UNC13A: variants seen among roughly 807,000 people sequenced by gnomAD.
UNC13A encodes the protein protein unc-13 homolog A.
In UNC13A, 61 loss-of-function variants were observed where a neutral mutation model predicts 219.7. The observed-to-expected ratio is 0.28, with a 90% CI of 0.23 to 0.34. The LOEUF (loss-of-function observed/expected upper bound fraction) is 0.34. UNC13A is among the 10% of genes least tolerant of loss of function. The pLI is 1.00. For missense variants in UNC13A, 1,476 were observed against 2,270.3 expected (o/e 0.65, Z 7.11); for synonymous variants, 920 against 884.6 (o/e 1.04, Z -0.71).
In UNC13A at chr19:17,630,293, A is replaced by G. The variant is rs376644283; in HGVS notation, c.3526-5T>C. 4 of 1,560,664 alleles carry G rather than the reference A, an allele frequency of 2.6e-6. No individual in the cohort carries two copies. The highest frequency in any genetic ancestry group is 2.7e-5 in the African/African-American group (2 of 73,430). ...ATGCTCTGAGGTCTGCTGGAACTGC[A>G]GGGGGAAGGAGGCCAAGAGGAAGGA... On this transcript the variant is annotated splice_region_variant and splice_polypyrimidine_tract_variant and intron_variant, in intron 29 of 43. Coordinates refer to ENST00000519716, the MANE Select transcript of UNC13A (RefSeq NM_001080421.3).
intron 12 of UNC13A, among the ~76,000 whole-genome samples, chr19:17,650,705 T>C (rs527494699): frequency 3.3e-5 from 5 of 151,882 alleles, no homozygotes; most frequent in African/African-American, 9.6e-5. Context: ...CTCGAACTCC[T>C]GACCTCAGGC....
chr19:17,620,986 C>T (rs1051100061), intron 37 of UNC13A, among the ~76,000 whole-genome samples: 1 of 152,072 alleles, frequency 6.6e-6, no homozygotes, highest in African/African-American at 2.4e-5. Flanking sequence ...AGTCAGCCTG[C>T]CCCAGGATGG....
intron 31 of UNC13A, 164 bp from the exon 32 acceptor site, chr19:17,628,104 C>T (rs1568510182): frequency 1.5e-6 from 1 of 657,086 alleles, no homozygotes; most frequent in Non-Finnish European, 2.7e-6. Flanking sequence ...TGCTCAGGTT[C>T]CTGGGCGTGT....
chr19:17,630,396 G>A, intron 29 of UNC13A, 108 bp from the exon 30 acceptor site: 3 of 1,490,350 alleles, frequency 2.0e-6, no homozygotes, highest in Non-Finnish European at 1.8e-6. Flanking sequence ...ATTTCCCCGG[G>A]GTGAGATGGA....
intron 40 of UNC13A, 132 bp downstream of exon 40, chr19:17,618,289 A>G: frequency 9.9e-7 from 1 of 1,007,250 alleles, no homozygotes; most frequent in South Asian, 1.5e-5. Context: ...GCTCTGGCAC[A>G]GACAGGGGAA....
At chr19:17,642,223 CTCA>C (rs1221390676) in intron 20 of UNC13A, among the ~76,000 whole-genome samples, 1 of 152,148 alleles carries the variant, frequency 6.6e-6, no homozygotes, top group African/African-American at 2.4e-5. Context: ...TATCTATCCA[CTCA>C]TCAAGTTATC....
In UNC13A at chr19:17,606,263, GC is replaced by G; in HGVS notation, c.4902del (p.Leu1635TrpfsTer51). The G allele has an allele frequency of 6.5e-7, 1 of 1,547,372 alleles. No homozygotes were observed. The highest frequency in any genetic ancestry group is 8.7e-7 in the Non-Finnish European group (1 of 1,146,316). On this transcript the variant is annotated frameshift_variant, in exon 44 of 44. Transcript: ENST00000519716. LOFTEE classifies it low-confidence loss of function (END_TRUNC). ...AGCTCACGCAGCTGCAGCACGGCCA[GC>G]CCCACCGTGCGGTCCTCGCGCGCGA... is the stretch of plus-strand genomic sequence containing the variant. Reference protein sequence around the residue: ...YCFAREDRTVGLAVLQLRELA... With the variant: ...YCFAREDRTVXLAVLQLRELA...
intron 1 of UNC13A, among the ~76,000 whole-genome samples, chr19:17,685,495 G>C (rs187075318): frequency 6.6e-6 from 1 of 152,100 alleles, no homozygotes. Flanking sequence ...CACCGCGCTC[G>C]GCTGGACATG....
Position 17,606,053 on chromosome 19 carries a change from G to T in UNC13A, c.*1C>A, listed in dbSNP as rs779941342. Reference sequence around the variant, plus strand: ...CAGTGCCGCTCGGCCGACCGCCCGCGCTAAGGCGCAGGCGCGGCACCGCCC... The same window carrying T: ...CAGTGCCGCTCGGCCGACCGCCCGCTCTAAGGCGCAGGCGCGGCACCGCCC... On this transcript the variant is annotated 3_prime_UTR_variant, in exon 44 of 44. Coordinates refer to ENST00000519716, the MANE Select transcript of UNC13A (RefSeq NM_001080421.3). The T allele has an allele frequency of 1.1e-5, 17 of 1,540,920 alleles. No individual in the cohort carries two copies. The South Asian group carries it at 1.8e-4, about 16-fold the overall frequency.
intron 1 of UNC13A, among the ~76,000 whole-genome samples, chr19:17,676,693 A>G (rs2079905446): frequency 1.3e-5 from 2 of 152,128 alleles, no homozygotes; most frequent in South Asian, 4.1e-4. Flanking sequence ...AGTTGGGACA[A>G]AGCAACCCAG....
intron 26 of UNC13A, among the ~76,000 whole-genome samples, chr19:17,634,895 G>A (rs374469323): frequency 1.3e-5 from 2 of 151,484 alleles, no homozygotes; most frequent in Non-Finnish European, 2.9e-5. Flanking sequence ...TTTTTGAGAC[G>A]GAGTCTCACT....
intron 11 of UNC13A, among the ~76,000 whole-genome samples, chr19:17,653,300 A>G (rs1300032558): frequency 1.3e-5 from 2 of 151,358 alleles, no homozygotes; most frequent in Non-Finnish European, 2.9e-5. Flanking sequence ...GACCACACAC[A>G]CAAGCCACCA....
At position 17,605,858 on chromosome 19, in the gene UNC13A, T is replaced by G; in HGVS notation, c.*196A>C. Reference sequence around the variant, plus strand: ...CTTCGTCGCGCCCTTGGGCGTGGCCTCCCGAGAGGGCGGGGCATCCTCCAT... The same window carrying G: ...CTTCGTCGCGCCCTTGGGCGTGGCCGCCCGAGAGGGCGGGGCATCCTCCAT... On this transcript the variant is annotated 3_prime_UTR_variant, in exon 44 of 44. Coordinates refer to ENST00000519716, the MANE Select transcript of UNC13A (RefSeq NM_001080421.3). 3.7e-6 allele frequency: 2 copies of G among 539,198 alleles called. No homozygotes were observed. The highest frequency in any genetic ancestry group is 3.0e-6 in the Non-Finnish European group (1 of 337,598). The allele number at this position is 539,198 out of a possible 1,614,324, so 33.4% of individuals were successfully genotyped here.
chr19:17,615,643 A>G (rs1349826850), intron 41 of UNC13A, among the ~76,000 whole-genome samples: 1 of 152,090 alleles, frequency 6.6e-6, no homozygotes, highest in Admixed American at 6.5e-5. Context: ...AGATTTCCCC[A>G]CTGCATTCCA....
intron 1 of UNC13A, among the ~76,000 whole-genome samples, chr19:17,680,869 C>CTTTTTTTTTT (rs71162171): frequency 1.9e-5 from 2 of 106,426 alleles, no homozygotes; most frequent in Non-Finnish European, 3.7e-5. Context: ...TCTTCTTCTT[C>CTTTTTTTTTT]TTTTTTTTTC....
At chr19:17,619,573 G>C (rs1045772244) in intron 38 of UNC13A, among the ~76,000 whole-genome samples, 2 of 151,782 alleles carry the variant, frequency 1.3e-5, no homozygotes, top group African/African-American at 4.8e-5. Context: ...GGGACTACAC[G>C]TGTGAGCCAC....
intron 4 of UNC13A, among the ~76,000 whole-genome samples, chr19:17,671,770 T>A (rs757936089): frequency 2.1e-4 from 32 of 152,072 alleles, no homozygotes; most frequent in Admixed American, 1.1e-3. Flanking sequence ...TGAGACCCTG[T>A]CTCAAAAATA....
At chr19:17,655,129 T>G in intron 11 of UNC13A, 145 bp downstream of exon 11, 1 of 723,502 alleles carries the variant, frequency 1.4e-6, no homozygotes, top group Non-Finnish European at 2.4e-6. Flanking sequence ...GGCACTGCAC[T>G]GGGCATGCCC....
chr19:17,620,600 G>T, intron 38 of UNC13A, 93 bp downstream of exon 38: 2 of 1,288,912 alleles, frequency 1.6e-6, no homozygotes, highest in South Asian at 1.3e-5. Flanking sequence ...TACGCCCTCG[G>T]ACGGCACGAA....
Sources: gnomAD v4.1 joint callset for allele counts (sites outside exome capture counted in the v4.1 genomes callset) on GRCh38, gnomAD v4.1.1 for gene constraint, MANE v1.5 for transcripts, NCBI Gene and HGNC (gene_info 2026-07-23, HGNC 2026-07-21) for gene names.